The following ID2 variants were observed in gnomAD, a reference collection of about 807,000 sequenced individuals.
ID2 encodes the protein inhibitor of DNA binding 2.
In ID2, 2 loss-of-function variants were observed where a neutral mutation model predicts 8.3. That is an observed-to-expected ratio of 0.24 (90% CI 0.10 to 0.76). ID2 has a LOEUF of 0.76. Among genes scored for constraint, ID2 ranks in the 30% least tolerant of loss-of-function variants. The pLI is 0.73. For missense variants in ID2, 155 were observed against 167.0 expected (o/e 0.93, Z 0.40); for synonymous variants, 112 against 72.3 (o/e 1.55, Z -2.79).
At position 8,682,076 on chromosome 2, in the gene ID2, C is replaced by T. The variant is rs924824888; in HGVS notation, c.-90C>T. 14 of 1,053,914 alleles carry T rather than the reference C, an allele frequency of 1.3e-5. No individual in the cohort carries two copies. The highest frequency in any genetic ancestry group is 6.3e-5 in the African/African-American group (4 of 63,244). 65.3% of individuals were successfully genotyped at this position (1,053,914 alleles called of 1,614,324 possible). On this transcript the variant is annotated 5_prime_UTR_variant, in exon 1 of 3. Transcript: ENST00000396290. Reference sequence around the variant, plus strand: ...GCTTCATTCTGAGCCGAGCCCGGTGCCAAGCGCAGCTAGCTCAGCAGGCGG... The same window carrying T: ...GCTTCATTCTGAGCCGAGCCCGGTGTCAAGCGCAGCTAGCTCAGCAGGCGG...
chr2:8,682,062 A>C lies in ID2; in HGVS notation c.-104A>C. The C allele has an allele frequency of 1.1e-6, 1 of 878,448 alleles. No homozygotes were observed. The allele number at this position is 878,448 out of a possible 1,614,324, so 54.4% of individuals were successfully genotyped here. The stretch of plus-strand genomic sequence containing the variant: ...CCCGCCGGGCTCGGGCTTCATTCTG[A>C]GCCGAGCCCGGTGCCAAGCGCAGCT... On this transcript the variant is annotated 5_prime_UTR_variant, in exon 1 of 3. Coordinates refer to ENST00000396290, the MANE Select transcript of ID2 (RefSeq NM_002166.5).
intron 2 of ID2, 48 bp downstream of exon 2, chr2:8,682,954 TGTGC>T: frequency 1.4e-6 from 2 of 1,404,706 alleles, no homozygotes; most frequent in Non-Finnish European, 2.0e-6. Context: ...CCTCGGTGTG[TGTGC>T]GCGCGCGCGC....
Position 8,682,236 on chromosome 2 carries a change from G to T in ID2, c.71G>T (p.Arg24Leu). 6.2e-7 allele frequency: 1 copy of T among 1,614,058 alleles called. No individual in the cohort carries two copies. Among genetic ancestry groups the T allele is most frequent in the Non-Finnish European group, 8.5e-7 (1 of 1,180,024 alleles). ...SLSDHSLGIS[R>L]SKTPVDDPMS... Reference sequence around the variant, plus strand: ...TCGGACCACAGCCTGGGCATCTCCCGGAGCAAAACCCCTGTGGACGACCCG... The same window carrying T: ...TCGGACCACAGCCTGGGCATCTCCCTGAGCAAAACCCCTGTGGACGACCCG... Residue 24 changes from arginine (R) to leucine (L), a missense_variant, in exon 1 of 3, where the codon CGG becomes CTG. Physicochemically the swap from Arg to Leu is moderately radical, Grantham distance 102 (BLOSUM62 -2). Around this residue, in one of 3 missense-constraint regions of ID2, gnomAD observed 73 missense variants for 72.2 expected, o/e 1.01. Coordinates refer to ENST00000396290, the MANE Select transcript of ID2 (RefSeq NM_002166.5).
chr2:8,682,569 G>A (rs532057872), intron 1 of ID2, 56 bp downstream of exon 1: 2 of 1,328,040 alleles, frequency 1.5e-6, no homozygotes, highest in Admixed American at 1.8e-5. Flanking sequence ...CGGTCGTCTG[G>A]GCTGTCACTA....
rs551480481 is a variant in ID2, at chr2:8,682,600, G to A, written c.348+87G>A. On this transcript the variant is annotated intron_variant, in intron 1 of 2. Transcript: ENST00000396290. The stretch of plus-strand genomic sequence containing the variant: ...CACTAGGAGATCCGTAGCCCAGACG[G>A]TGACTTTCGTATGAGCTATTTAACT... 243 of 964,176 alleles carry A rather than the reference G, an allele frequency of 2.5e-4. 2 individuals carry two copies. The South Asian group carries it at 3.3e-3, about 13-fold the overall frequency. 59.7% of individuals were successfully genotyped at this position (964,176 alleles called of 1,614,324 possible). A position where few individuals can be genotyped will look rare whatever the true frequency, so the allele number is the denominator to read the frequency against.
At chr2:8,682,782 A>ACT (rs879188880) in intron 1 of ID2, 61 bp from the exon 2 acceptor site, 1 of 752,032 alleles carries the variant, frequency 1.3e-6, no homozygotes, top group African/African-American at 1.8e-5. Context: ...AAAAAAAAAA[A>ACT]AAAAACCCTT....
rs1441857923 is a variant in ID2, at chr2:8,684,081, C to G, written c.*404C>G. On this transcript the variant is annotated 3_prime_UTR_variant, in exon 3 of 3. Transcript: ENST00000396290. ...AGTCACTTAAATGAAGTCTTTTGGT[C>G]AGAAATTACCTTTTTGACACAAGCC... 6.6e-6 allele frequency: 1 copy of G among 152,248 alleles called. No individual in the cohort carries two copies. Among genetic ancestry groups the G allele is most frequent in the South Asian group, 2.1e-4 (1 of 4,826 alleles). The allele number at this position is 152,248 out of a possible 1,614,324, so 9.4% of individuals were successfully genotyped here.
At position 8,682,877 on chromosome 2, in the gene ID2, A is replaced by G. The variant is rs367911935; in HGVS notation, c.383A>G (p.Asp128Gly). The G allele has an allele frequency of 1.1e-4, 174 of 1,613,892 alleles. 5 individuals carry two copies. The highest frequency in any genetic ancestry group is 2.7e-4 in the Admixed American group (16 of 60,008). Residue 128 changes from aspartate to glycine, a missense_variant, in exon 2 of 3, where the codon GAC becomes GGC. Physicochemically the swap from Asp to Gly is moderately conservative, Grantham distance 94 (BLOSUM62 -1). Transcript: ENST00000396290. ...SEFPSELMSN[D>G]SKALCG The stretch of plus-strand genomic sequence containing the variant: ...TTCCCTTCTGAGTTAATGTCAAATG[A>G]CAGCAAAGCACTGTGTGGCTGAATA...
At chr2:8,682,573 G>A in intron 1 of ID2, 60 bp downstream of exon 1, 2 of 1,229,918 alleles carry the variant, frequency 1.6e-6, no homozygotes, top group Non-Finnish European at 2.3e-6. Flanking sequence ...CGTCTGGGCT[G>A]TCACTAGGAG....
chr2:8,684,068 G>T lies in ID2; in HGVS notation c.*391G>T, dbSNP rs1662178141. 1 of 152,270 alleles carries T rather than the reference G, an allele frequency of 6.6e-6. No individual in the cohort carries two copies. Among genetic ancestry groups the T allele is most frequent in the African/African-American group, 2.4e-5 (1 of 41,408 alleles). 9.4% of individuals were successfully genotyped at this position (152,270 alleles called of 1,614,324 possible). ...GGATCCAGTATTCAGTCACTTAAAT[G>T]AAGTCTTTTGGTCAGAAATTACCTT... On this transcript the variant is annotated 3_prime_UTR_variant, in exon 3 of 3. Transcript: ENST00000396290.
In ID2 at chr2:8,682,126, A is replaced by G; in HGVS notation, c.-40A>G. ...GCAGCGGCGGCCTGAGCTTCAGGGC[A>G]GCCAGCTCCCTCCCGGTCTCGCCTT... is the stretch of plus-strand genomic sequence containing the variant. On this transcript the variant is annotated 5_prime_UTR_variant, in exon 1 of 3. Transcript: ENST00000396290. The G allele has an allele frequency of 3.3e-6, 5 of 1,538,306 alleles. No individual in the cohort carries two copies. The highest frequency in any genetic ancestry group is 3.6e-6 in the Non-Finnish European group (4 of 1,120,392).
intron 2 of ID2, 46 bp from the exon 3 acceptor site, chr2:8,683,639 A>AG (rs1175424174): frequency 6.6e-6 from 1 of 152,356 alleles, no homozygotes; most frequent in Non-Finnish European, 1.5e-5. Context: ...CTCTGCCCTT[A>AG]GGTTACATTC....
chr2:8,682,911 GTGTT>G lies in ID2; in HGVS notation c.*7+8_*7+11del, dbSNP rs757859222. The G allele has an allele frequency of 1.9e-6, 3 of 1,612,392 alleles. No homozygotes were observed. The South Asian group carries it at 3.3e-5, about 18-fold the overall frequency. On this transcript the variant is annotated splice_donor_region_variant and intron_variant, in intron 2 of 2. Transcript: ENST00000396290. ...CACTGTGTGGCTGAATAAGCGGTGA[GTGTT>G]TGCTTGTGCCACCCGTGGGTAAACT...
At chr2:8,682,618 A>G (rs964921788) in intron 1 of ID2, 105 bp downstream of exon 1, 6 of 806,280 alleles carry the variant, frequency 7.4e-6, no homozygotes, top group Middle Eastern at 2.3e-4. Context: ...CGTATGAGCT[A>G]TTTAACTTTA....
chr2:8,682,844 C>A lies in ID2; in HGVS notation c.350C>A (p.Ala117Asp). 1 of 1,610,948 alleles carries A rather than the reference C, an allele frequency of 6.2e-7. No individual in the cohort carries two copies. Among genetic ancestry groups the A allele is most frequent in the Non-Finnish European group, 8.5e-7 (1 of 1,177,682 alleles). Residue 117 changes from alanine to aspartate, a missense_variant and splice_region_variant, in exon 2 of 3, where the codon GCT (alanine) becomes GAT (aspartate). Ala to Asp is a moderately radical substitution (Grantham distance 126). Transcript: ENST00000396290. Reference protein sequence around the residue: ...NTDISILSLQASEFPSELMSN... With the variant: ...NTDISILSLQDSEFPSELMSN... ...ACTCTTTATCCTCTTTCTTTCCAGG[C>A]TTCTGAATTCCCTTCTGAGTTAATG...
Position 8,684,417 on chromosome 2 carries a change from A to G in ID2, c.*740A>G, listed in dbSNP as rs988436839. 1 of 152,204 alleles carries G rather than the reference A, an allele frequency of 6.6e-6. No homozygotes were observed. The highest frequency in any genetic ancestry group is 6.6e-5 in the Admixed American group (1 of 15,218). 9.4% of individuals were successfully genotyped at this position (152,204 alleles called of 1,614,324 possible). A position where few individuals can be genotyped will look rare whatever the true frequency, so the allele number is the denominator to read the frequency against. ...TAAATACAAGTTCAAATTTATGTAG[A>G]CTGTATAAGATTATAATAAAACATG... On this transcript the variant is annotated 3_prime_UTR_variant, in exon 3 of 3. Transcript: ENST00000396290.
In ID2 at chr2:8,684,370, CTA is replaced by C. The variant is rs1175554022; in HGVS notation, c.*695_*696del. The C allele has an allele frequency of 2.0e-5, 3 of 152,382 alleles. No homozygotes were observed. The highest frequency in any genetic ancestry group is 6.5e-5 in the Admixed American group (1 of 15,268). 9.4% of individuals were successfully genotyped at this position (152,382 alleles called of 1,614,324 possible). A position where few individuals can be genotyped will look rare whatever the true frequency, so the allele number is the denominator to read the frequency against. On this transcript the variant is annotated 3_prime_UTR_variant, in exon 3 of 3. Transcript: ENST00000396290. ...GACCAGTGCTTTGATTTTTATTATG[CTA>C]TGTTATAACTGAACCCAAATAAATA... is the stretch of plus-strand genomic sequence containing the variant.
At chr2:8,682,762 CAAA>C (rs373887089) in intron 1 of ID2, 78 bp from the exon 2 acceptor site, 62,111 of 722,074 alleles carry the variant, frequency 0.086, 1,059 homozygotes, top group African/African-American at 0.21. Context: ...CTGTGGACTA[CAAA>C]AAAAAAAAAA....
chr2:8,682,948 G>T, intron 2 of ID2, 42 bp downstream of exon 2: 1 of 1,474,964 alleles, frequency 6.8e-7, no homozygotes, highest in South Asian at 1.1e-5. Context: ...ACTGCCCCTC[G>T]GTGTGTGTGC....
Sources: gnomAD v4.1 joint callset for allele counts on GRCh38, gnomAD v4.1.1 for gene constraint, gnomAD v4.1.1 regional missense constraint, MANE v1.5 for transcripts, NCBI Gene and HGNC (gene_info 2026-07-23, HGNC 2026-07-21) for gene names.